CDH18: variants seen among roughly 807,000 people sequenced by gnomAD.
CDH18 encodes cadherin-18.
Under a neutral mutation model 67.9 loss-of-function variants are expected in CDH18, and 31 were observed. The observed-to-expected ratio is 0.46, with a 90% CI of 0.34 to 0.62. CDH18 has a LOEUF of 0.62. CDH18 is among the 20% of genes least tolerant of loss of function. CDH18 has a pLI of 0.01. For synonymous variants in CDH18, 362 were observed against 347.2 expected, an observed-to-expected ratio of 1.04 and a Z score of -0.48; for missense variants, 890 against 975.5, an observed-to-expected ratio of 0.91 and a Z score of 1.17.
intron 1 of CDH18, among the ~76,000 whole-genome samples, chr5:20,271,624 C>G (rs1745440148): frequency 6.6e-6 from 1 of 151,890 alleles, no homozygotes; most frequent in African/African-American, 2.4e-5. Context: ...TACACACACA[C>G]CACACACGTC....
rs532534966 is a variant in CDH18, at chr5:19,541,310, C to T, written c.1390+2559G>A. Among the ~76,000 whole-genome samples, 39 of 150,942 alleles carry T rather than the reference C, an allele frequency of 2.6e-4. No individual in the cohort carries two copies. In the East Asian group the frequency reaches 4.7e-3, roughly 18 times the overall value. On this transcript the variant is annotated intron_variant, in intron 9 of 12. Coordinates refer to ENST00000382275, the MANE Select transcript of CDH18 (RefSeq NM_004934.5). ...AACTTTCCCACATCTTCCTGTCTTC[C>T]GAGCACTCCAAGTCTCCAGGATGTT...
intron 1 of CDH18, among the ~76,000 whole-genome samples, chr5:20,358,834 A>G (rs1422530802): frequency 1.3e-5 from 2 of 152,028 alleles, no homozygotes; most frequent in Non-Finnish European, 2.9e-5. Flanking sequence ...GTGTGATCTT[A>G]TTTTAATATA....
At chr5:20,140,067 C>T (rs897229272) in intron 2 of CDH18, among the ~76,000 whole-genome samples, 22 of 152,106 alleles carry the variant, frequency 1.4e-4, no homozygotes, top group African/African-American at 4.6e-4. Context: ...TGGAACCAAC[C>T]CAAATGTCCA....
chr5:19,695,085 C>A (rs1245212284), intron 5 of CDH18, among the ~76,000 whole-genome samples: 1 of 152,078 alleles, frequency 6.6e-6, no homozygotes, highest in Non-Finnish European at 1.5e-5. Flanking sequence ...TGTGGGATCA[C>A]ACGAGTTTTT....
intron 11 of CDH18, among the ~76,000 whole-genome samples, chr5:19,493,282 G>C (rs1427078071): frequency 6.6e-6 from 1 of 152,034 alleles, no homozygotes; most frequent in Non-Finnish European, 1.5e-5. Flanking sequence ...TTGAAAGCAG[G>C]ACCTGTGTCT....
At chr5:20,309,040 G>A (rs1736756116) in intron 1 of CDH18, among the ~76,000 whole-genome samples, 1 of 152,164 alleles carries the variant, frequency 6.6e-6, no homozygotes, top group Non-Finnish European at 1.5e-5. Flanking sequence ...AAATAGTGTA[G>A]AATACTGGGA....
intron 2 of CDH18, among the ~76,000 whole-genome samples, chr5:20,097,906 A>G (rs1354782205): frequency 1.3e-5 from 2 of 152,134 alleles, no homozygotes; most frequent in African/African-American, 4.8e-5. Context: ...CTTTTGTGAT[A>G]GTAAACTTCT....
chr5:20,240,504 C>G (rs887877653), intron 2 of CDH18, among the ~76,000 whole-genome samples: 1 of 152,152 alleles, frequency 6.6e-6, no homozygotes, highest in Non-Finnish European at 1.5e-5. Context: ...ATACATACCT[C>G]AGCAAAATTT....
At chr5:19,512,764 C>T (rs1745315662) in intron 10 of CDH18, among the ~76,000 whole-genome samples, 1 of 151,918 alleles carries the variant, frequency 6.6e-6, no homozygotes, top group African/African-American at 2.4e-5. Context: ...TATTTTTCAT[C>T]GTCTCTTTTT....
chr5:19,926,515 A>G (rs1793104956), intron 2 of CDH18, among the ~76,000 whole-genome samples: 1 of 152,140 alleles, frequency 6.6e-6, no homozygotes, highest in South Asian at 2.1e-4. Context: ...GTGAAACAAA[A>G]CAAAAGGAGA....
chr5:20,352,397 G>A (rs965384089), intron 1 of CDH18, among the ~76,000 whole-genome samples: 1 of 151,824 alleles, frequency 6.6e-6, no homozygotes, highest in East Asian at 1.9e-4. Context: ...ATAGATTTTT[G>A]ACTGTGTGGG....
intron 2 of CDH18, among the ~76,000 whole-genome samples, chr5:20,041,115 T>C (rs115377947): frequency 0.022 from 3,344 of 152,260 alleles, 56 homozygotes; most frequent in Admixed American, 0.043. Context: ...GTGTATGAAC[T>C]CTAGCAACAT....
intron 1 of CDH18, among the ~76,000 whole-genome samples, chr5:20,393,065 A>G (rs1046623849): frequency 6.6e-6 from 1 of 151,970 alleles, no homozygotes; most frequent in Non-Finnish European, 1.5e-5. Flanking sequence ...GGAAACACAT[A>G]CACAAATATA....
intron 1 of CDH18, among the ~76,000 whole-genome samples, chr5:20,532,751 G>C (rs1561102422): frequency 6.6e-6 from 1 of 151,952 alleles, no homozygotes; most frequent in East Asian, 1.9e-4. Context: ...AAAATCTCAA[G>C]CTTTCTGGAA....
intron 2 of CDH18, among the ~76,000 whole-genome samples, chr5:19,866,280 T>C (rs529194610): frequency 9.2e-5 from 14 of 152,194 alleles, no homozygotes; most frequent in Non-Finnish European, 1.3e-4. Flanking sequence ...AATCAAATTA[T>C]TATCCTGTCA....
chr5:20,475,660 A>T (rs1752388079), intron 1 of CDH18, among the ~76,000 whole-genome samples: 1 of 152,162 alleles, frequency 6.6e-6, no homozygotes, highest in South Asian at 2.1e-4. Flanking sequence ...AATACTGTCA[A>T]TTTATATAAT....
chr5:20,352,120 C>T (rs146207480), intron 1 of CDH18, among the ~76,000 whole-genome samples: 103 of 152,234 alleles, frequency 6.8e-4, no homozygotes, highest in Non-Finnish European at 1.0e-3. Flanking sequence ...TTGAACAGCA[C>T]GAGTTTGAAC....
intron 2 of CDH18, among the ~76,000 whole-genome samples, chr5:19,879,682 T>G (rs1787409276): frequency 6.6e-6 from 1 of 152,008 alleles, no homozygotes; most frequent in African/African-American, 2.4e-5. Flanking sequence ...CACCAAAATA[T>G]GAAAGGCTTA....
intron 2 of CDH18, among the ~76,000 whole-genome samples, chr5:20,133,927 A>T (rs1749482665): frequency 1.3e-5 from 2 of 152,136 alleles, no homozygotes; most frequent in Non-Finnish European, 2.9e-5. Context: ...CCATCTGCTC[A>T]TCACATTATA....
Sources: allele counts gnomAD v4.1 joint callset (sites outside exome capture counted in the v4.1 genomes callset), GRCh38; gene constraint gnomAD v4.1.1; transcripts MANE v1.5; gene names NCBI Gene and HGNC (gene_info 2026-07-23, HGNC 2026-07-21).